ZFHX3: variants seen among roughly 807,000 people sequenced by gnomAD.
ZFHX3 encodes zinc finger homeobox 3.
In ZFHX3, 42 loss-of-function variants were observed where a neutral mutation model predicts 279.1. The ratio of observed to expected loss-of-function variants is 0.15; its 90% confidence interval spans 0.12 to 0.19. The LOEUF is 0.19. Ranked by LOEUF, ZFHX3 falls within the 10% of genes least tolerant of loss-of-function variation. ZFHX3 has a pLI of 1.00. For synonymous variants in ZFHX3, 2,293 were observed against 1,957.8 expected (o/e 1.17, Z -4.52); for missense variants, 4,981 against 4,754.0 (o/e 1.05, Z -1.40).
At position 72,960,228 on chromosome 16, in the gene ZFHX3, G is replaced by T; in HGVS notation, c.-49-34C>A. ...CAGAGGCAAGGGGGGAGGAGGGAGA[G>T]AGGGGAAAGAGAGAGAGAAAGGAAA... On this transcript the variant is annotated intron_variant, in intron 1 of 9. Transcript: ENST00000268489. 2.1e-6 allele frequency: 3 copies of T among 1,462,272 alleles called. No homozygotes were observed. The South Asian group carries it at 4.4e-5, about 21-fold the overall frequency. The allele number at this position is 1,462,272 out of a possible 1,614,324, so 90.6% of individuals were successfully genotyped here.
intron 5 of ZFHX3, among the ~76,000 whole-genome samples, chr16:73,210,822 T>G (rs2144909712): frequency 6.6e-6 from 1 of 152,266 alleles, no homozygotes; most frequent in South Asian, 2.1e-4. Context: ...CAGAAGCATC[T>G]TAGCTTCTTT....
chr16:73,004,321 C>CTTTTTTTT (rs34987461), intron 1 of ZFHX3, among the ~76,000 whole-genome samples: 16 of 52,114 alleles, frequency 3.1e-4, no homozygotes, highest in Non-Finnish European at 3.8e-4. Flanking sequence ...ATGCATCAAT[C>CTTTTTTTT]TTTTTTTTTT....
At chr16:73,832,490 C>A (rs148752178) in intron 1 of ZFHX3, among the ~76,000 whole-genome samples, 45 of 152,310 alleles carry the variant, frequency 3.0e-4, no homozygotes, top group African/African-American at 1.1e-3. Context: ...CCCTTGATAA[C>A]TAACTTTTAA....
chr16:72,836,541 A>G (rs1354935832), intron 4 of ZFHX3, among the ~76,000 whole-genome samples: 1 of 152,064 alleles, frequency 6.6e-6, no homozygotes, highest in African/African-American at 2.4e-5. Context: ...TGTTCTCATC[A>G]CACATCGTAC....
At chr16:73,539,098 A>T (rs1413501798) in intron 2 of ZFHX3, among the ~76,000 whole-genome samples, 1 of 152,090 alleles carries the variant, frequency 6.6e-6, no homozygotes, top group Non-Finnish European at 1.5e-5. Flanking sequence ...AGAAACTAAT[A>T]GCCTATGTTA....
At chr16:73,714,308 AAGGCAGC>A (rs1365827265) in intron 1 of ZFHX3, among the ~76,000 whole-genome samples, 2 of 152,174 alleles carry the variant, frequency 1.3e-5, no homozygotes, top group African/African-American at 2.4e-5. Context: ...TTTAGGAAGC[AAGGCAGC>A]TGCTTCCAGC....
rs142342245 is a variant in ZFHX3, at chr16:73,774,331, G to A, written c.-1607-94091C>T. 3.6e-3 allele frequency among the ~76,000 whole-genome samples: 547 copies of A among 152,256 alleles called. 4 individuals carry two copies. The highest frequency in any genetic ancestry group is 6.0e-3 in the Non-Finnish European group (407 of 68,018). ...CTCATTAGGTAGTTGGTGAATGAAT[G>A]AAGGCTGAGAGAAAGGGGATTTGAG... On this transcript the variant is annotated intron_variant, in intron 1 of 17. Coordinates refer to the ZFHX3 transcript ENST00000641206.
At chr16:73,190,853 G>A (rs1328559331) in intron 5 of ZFHX3, among the ~76,000 whole-genome samples, 1 of 152,116 alleles carries the variant, frequency 6.6e-6, no homozygotes, top group Non-Finnish European at 1.5e-5. Flanking sequence ...GGACATGAGG[G>A]ACTACAGGGC....
chr16:73,732,782 A>G (rs1000637320), intron 1 of ZFHX3, among the ~76,000 whole-genome samples: 1 of 152,190 alleles, frequency 6.6e-6, no homozygotes, highest in African/African-American at 2.4e-5. Flanking sequence ...CTGATAAAAT[A>G]TGCATTTCGG....
chr16:73,690,224 C>A (rs1439481585), intron 1 of ZFHX3, among the ~76,000 whole-genome samples: 1 of 152,100 alleles, frequency 6.6e-6, no homozygotes, highest in Non-Finnish European at 1.5e-5. Flanking sequence ...GAAGCACAAA[C>A]AAGGTTTTAC....
intron 2 of ZFHX3, among the ~76,000 whole-genome samples, chr16:73,600,164 G>A (rs1004444975): frequency 6.6e-6 from 1 of 152,158 alleles, no homozygotes; most frequent in Non-Finnish European, 1.5e-5. Flanking sequence ...CTCCAAATCT[G>A]GATAAGGTTG....
intron 2 of ZFHX3, among the ~76,000 whole-genome samples, chr16:73,493,625 C>T (rs2019089783): frequency 6.6e-6 from 1 of 152,184 alleles, no homozygotes; most frequent in Non-Finnish European, 1.5e-5. Flanking sequence ...TGCTTGGGTC[C>T]AGCCACACAG....
At chr16:73,435,398 T>C (rs531938917) in intron 3 of ZFHX3, among the ~76,000 whole-genome samples, 3 of 152,160 alleles carry the variant, frequency 2.0e-5, no homozygotes, top group East Asian at 3.9e-4. Context: ...TTAGTAAAGA[T>C]GGGATTTTGC....
chr16:72,838,372 C>A (rs1286351947), intron 4 of ZFHX3, among the ~76,000 whole-genome samples: 2 of 152,266 alleles, frequency 1.3e-5, no homozygotes, highest in East Asian at 1.9e-4. Flanking sequence ...TCGGCCCCTG[C>A]TGGGCAGAGT....
chr16:73,119,370 G>T (rs1438575029), intron 7 of ZFHX3, among the ~76,000 whole-genome samples: 2 of 152,268 alleles, frequency 1.3e-5, no homozygotes, highest in African/African-American at 2.4e-5. Context: ...GCCTCCCAAA[G>T]TTCTGGGATT....
chr16:72,815,017 T>A (rs1252483173), intron 5 of ZFHX3, among the ~76,000 whole-genome samples: 1 of 152,214 alleles, frequency 6.6e-6, no homozygotes, highest in African/African-American at 2.4e-5. Context: ...GGCTGACACA[T>A]GCCCCTCCCT....
intron 2 of ZFHX3, among the ~76,000 whole-genome samples, chr16:73,648,520 C>G (rs1567542107): frequency 6.6e-6 from 1 of 152,100 alleles, no homozygotes; most frequent in South Asian, 2.1e-4. Context: ...CTCCTGAGTA[C>G]CTGGGATTAC....
intron 5 of ZFHX3, among the ~76,000 whole-genome samples, chr16:73,198,668 T>G (rs1018612588): frequency 6.6e-6 from 1 of 152,252 alleles, no homozygotes. Flanking sequence ...CCAGATTCAG[T>G]TGGTGGCTCA....
intron 3 of ZFHX3, among the ~76,000 whole-genome samples, chr16:72,893,074 G>T (rs1159086869): frequency 1.3e-5 from 2 of 152,164 alleles, no homozygotes; most frequent in Non-Finnish European, 2.9e-5. Flanking sequence ...AAACCGAGGA[G>T]CTGGAAACCT....
Sources: gnomAD v4.1 joint callset for allele counts (sites outside exome capture counted in the v4.1 genomes callset) on GRCh38, gnomAD v4.1.1 for gene constraint, MANE v1.5 for transcripts, NCBI Gene and HGNC (gene_info 2026-07-23, HGNC 2026-07-21) for gene names.